DPY19L3: variants seen among roughly 807,000 people sequenced by gnomAD.
The protein encoded by DPY19L3 is dpy-19 like C-mannosyltransferase 3.
In DPY19L3, 51 loss-of-function variants were observed where a neutral mutation model predicts 92.3. The observed-to-expected ratio is 0.55, with a 90% CI of 0.44 to 0.70. The LOEUF (loss-of-function observed/expected upper bound fraction) is 0.70, where lower values mean the gene tolerates loss of function less well. DPY19L3 is among the 30% of genes least tolerant of loss of function. The probability of loss-of-function intolerance (pLI) is 0.00; values close to 1 mark genes in which losing one functional copy is unlikely to be tolerated. For missense variants in DPY19L3, 706 were observed against 855.9 expected (o/e 0.82, Z 2.18); for synonymous variants, 309 against 315.2 (o/e 0.98, Z 0.21).
rs780791846 is a variant in DPY19L3, at chr19:32,455,016, A to G, written c.1065A>G (p.Thr355=). 1.3e-6 allele frequency: 2 copies of G among 1,564,464 alleles called. No homozygotes were observed. The highest frequency in any genetic ancestry group is 2.8e-5 in the African/African-American group (2 of 71,978). ...ATTTATTTATGGTTTTATGTTTGACACTTTTTCTCAACAACATAATTAAGG... is the reference window on the plus strand; with the variant it reads ...ATTTATTTATGGTTTTATGTTTGACGCTTTTTCTCAACAACATAATTAAGG... ...LLHLFMVLCL[T]LFLNNIIKKI... Residue 355 remains threonine, a synonymous_variant, in exon 10 of 19, where the codon ACA becomes ACG. Transcript: ENST00000392250.
At chr19:32,408,098 A>G in intron 1 of DPY19L3, 119 bp from the exon 2 acceptor site, 1 of 606,278 alleles carries the variant, frequency 1.6e-6, no homozygotes, top group Admixed American at 3.3e-5. Flanking sequence ...GAAGAAAAAA[A>G]AAGGGAGGGC....
chr19:32,425,409 G>T (rs1437611720), intron 3 of DPY19L3, among the ~76,000 whole-genome samples: 1 of 152,030 alleles, frequency 6.6e-6, no homozygotes, highest in African/African-American at 2.4e-5. Flanking sequence ...AAATTAGCCA[G>T]GCGTGATGGC....
At chr19:32,414,646 G>A (rs537843021) in intron 3 of DPY19L3, among the ~76,000 whole-genome samples, 1 of 151,716 alleles carries the variant, frequency 6.6e-6, no homozygotes, top group South Asian at 2.1e-4. Context: ...AAACCATGTA[G>A]TGCGTATATA....
chr19:32,439,076 C>G, intron 6 of DPY19L3, 36 bp from the exon 7 acceptor site: 1 of 1,574,744 alleles, frequency 6.4e-7, no homozygotes. Flanking sequence ...ATTGTAAAAA[C>G]TATCACTTTG....
chr19:32,464,163 T>C (rs1970130010), intron 14 of DPY19L3, among the ~76,000 whole-genome samples, 183 bp downstream of exon 14: 1 of 152,070 alleles, frequency 6.6e-6, no homozygotes, highest in South Asian at 2.1e-4. Context: ...TTTAAAAAAT[T>C]ACTTTTTTCT....
chr19:32,445,820 G>A (rs1223414419), intron 8 of DPY19L3, among the ~76,000 whole-genome samples: 1 of 152,048 alleles, frequency 6.6e-6, no homozygotes, highest in Admixed American at 6.6e-5. Flanking sequence ...GGCCAACATG[G>A]CGAAACCCCA....
At chr19:32,418,444 G>A (rs1968450734) in intron 3 of DPY19L3, among the ~76,000 whole-genome samples, 1 of 152,154 alleles carries the variant, frequency 6.6e-6, no homozygotes, top group African/African-American at 2.4e-5. Flanking sequence ...GGCCACATGT[G>A]GCTATTGAAC....
At chr19:32,406,001 T>TG (rs1967927797) in intron 1 of DPY19L3, 92 bp downstream of exon 1, 1 of 150,760 alleles carries the variant, frequency 6.6e-6, no homozygotes, top group South Asian at 2.1e-4. Context: ...CCCGAGCCCC[T>TG]GGGGCCGCCC....
At chr19:32,458,996 C>G (rs1007714489) in intron 12 of DPY19L3, among the ~76,000 whole-genome samples, 12 of 152,160 alleles carry the variant, frequency 7.9e-5, no homozygotes, top group Non-Finnish European at 1.6e-4. Flanking sequence ...CCTTCCTCCT[C>G]TAGCTGCTTT....
chr19:32,412,807 G>C (rs1192509282), intron 3 of DPY19L3: 3 of 152,126 alleles, frequency 2.0e-5, no homozygotes, highest in Non-Finnish European at 2.9e-5. Flanking sequence ...ACACACACCT[G>C]TAATCTCAGC....
At chr19:32,480,664 G>T (rs774290222) in intron 18 of DPY19L3, 107 bp downstream of exon 18, 4 of 1,348,982 alleles carry the variant, frequency 3.0e-6, no homozygotes, top group South Asian at 2.9e-5. Context: ...GTTGAATTAC[G>T]CTACGAATCA....
chr19:32,415,542 A>G (rs889792925), intron 3 of DPY19L3, among the ~76,000 whole-genome samples: 2 of 152,198 alleles, frequency 1.3e-5, no homozygotes, highest in Admixed American at 1.3e-4. Context: ...ACTCTCTCTG[A>G]ATGTATTATA....
chr19:32,451,395 C>CT (rs1247561618), intron 8 of DPY19L3, among the ~76,000 whole-genome samples: 2 of 152,150 alleles, frequency 1.3e-5, no homozygotes, highest in African/African-American at 4.8e-5. Context: ...TCTGAAGTGT[C>CT]TAACTCTCCT....
Position 32,411,218 on chromosome 19 carries a change from T to C in DPY19L3, c.104-21T>C, listed in dbSNP as rs770032766. The stretch of plus-strand genomic sequence containing the variant: ...ATTTTTTTACTGACTTAGTTATTTA[T>C]CTGTTCCATTTTTCCAAAAGGTTGT... On this transcript the variant is annotated intron_variant, in intron 2 of 18. Coordinates refer to ENST00000392250, the MANE Select transcript of DPY19L3 (RefSeq NM_001172774.2). 8.8e-6 allele frequency: 14 copies of C among 1,598,764 alleles called. No individual in the cohort carries two copies. In the East Asian group the frequency reaches 2.9e-4, roughly 33 times the overall value.
chr19:32,430,375 C>A (rs946166276), intron 3 of DPY19L3, among the ~76,000 whole-genome samples: 13 of 151,860 alleles, frequency 8.6e-5, no homozygotes, highest in African/African-American at 3.1e-4. Flanking sequence ...GAGTGAGACC[C>A]TGTCTCCAAA....
chr19:32,472,148 T>G (rs1483020429), intron 16 of DPY19L3, among the ~76,000 whole-genome samples: 2 of 152,202 alleles, frequency 1.3e-5, no homozygotes, highest in Non-Finnish European at 2.9e-5. Flanking sequence ...TGGGAAAGTT[T>G]TTTTTAGAAT....
intron 16 of DPY19L3, among the ~76,000 whole-genome samples, chr19:32,469,776 C>T (rs1970302753): frequency 1.3e-5 from 2 of 152,180 alleles, no homozygotes; most frequent in South Asian, 4.1e-4. Flanking sequence ...TTGTGTATTT[C>T]AAAGCTTTAT....
intron 16 of DPY19L3, among the ~76,000 whole-genome samples, chr19:32,473,895 G>A (rs967790245): frequency 1.3e-5 from 2 of 151,980 alleles, no homozygotes; most frequent in Admixed American, 6.6e-5. Flanking sequence ...CCTTCACCTC[G>A]TGGGTTCAAG....
intron 3 of DPY19L3, among the ~76,000 whole-genome samples, chr19:32,425,362 C>A (rs1968722534): frequency 6.6e-6 from 1 of 151,924 alleles, no homozygotes; most frequent in African/African-American, 2.4e-5. Flanking sequence ...ACCAGCCGGG[C>A]CAAAATAGTA....
Sources: allele counts gnomAD v4.1 joint callset (sites outside exome capture counted in the v4.1 genomes callset), GRCh38; gene constraint gnomAD v4.1.1; transcripts MANE v1.5; gene names NCBI Gene and HGNC (gene_info 2026-07-23, HGNC 2026-07-21).